The following UTS2 variants were observed in gnomAD, a reference collection of about 807,000 sequenced individuals.
UTS2 encodes urotensin-2.
Under a neutral mutation model 12.6 loss-of-function variants are expected in UTS2, and 10 were observed. The ratio of observed to expected loss-of-function variants is 0.80; its 90% CI spans 0.49 to 1.35. UTS2 has a LOEUF of 1.35. UTS2 is among the 40% of genes most tolerant of loss of function. UTS2 has a pLI of 0.00. For missense variants in UTS2, 142 were observed against 143.2 expected, an observed-to-expected ratio of 0.99 and a Z score of 0.04; for synonymous variants, 52 against 50.0, an observed-to-expected ratio of 1.04 and a Z score of -0.17.
the UTS2 span, among the ~76,000 whole-genome samples, chr1:7,899,910 C>T: frequency 2.6e-5 from 4 of 152,148 alleles, no homozygotes; most frequent in Non-Finnish European, 5.9e-5. Context: ...TGCTTCCAGG[C>T]TCACTGTGTG....
At chr1:7,863,653 C>A in the UTS2 span, among the ~76,000 whole-genome samples, 2 of 152,166 alleles carry the variant, frequency 1.3e-5, no homozygotes, top group African/African-American at 4.8e-5. Context: ...TTGGGAAATC[C>A]TTTTAGCCTG....
At chr1:7,879,544 C>T in the UTS2 span, among the ~76,000 whole-genome samples, 6 of 152,056 alleles carry the variant, frequency 3.9e-5, no homozygotes, top group Admixed American at 1.3e-4. Flanking sequence ...AGTTTAAGAC[C>T]AGCCTATCCA....
chr1:7,902,724 G>A, the UTS2 span, among the ~76,000 whole-genome samples: 1 of 152,074 alleles, frequency 6.6e-6, no homozygotes, highest in Non-Finnish European at 1.5e-5. Context: ...CCCGGCCAGC[G>A]CCTCCTATTT....
chr1:7,882,903 CA>C, the UTS2 span, among the ~76,000 whole-genome samples: 1 of 151,634 alleles, frequency 6.6e-6, no homozygotes, highest in African/African-American at 2.4e-5. Context: ...ATCAAAAAGA[CA>C]AAAAAATAAA....
At chr1:7,850,197 T>C (rs2097412573) in intron 2 of UTS2, among the ~76,000 whole-genome samples, 1 of 152,128 alleles carries the variant, frequency 6.6e-6, no homozygotes, top group South Asian at 2.1e-4. Context: ...CCTAAACTCC[T>C]GACTTCAAGT....
At chr1:7,905,613 A>G in the UTS2 span, among the ~76,000 whole-genome samples, 1 of 152,166 alleles carries the variant, frequency 6.6e-6, no homozygotes, top group Non-Finnish European at 1.5e-5. Context: ...GAAGGCCTCA[A>G]GAGAAAAAGA....
At chr1:7,909,183 G>A in the UTS2 span, among the ~76,000 whole-genome samples, 1 of 152,142 alleles carries the variant, frequency 6.6e-6, no homozygotes, top group African/African-American at 2.4e-5. Context: ...GATTATGGGA[G>A]CTACAGTTCA....
At chr1:7,873,195 C>G in the UTS2 span, among the ~76,000 whole-genome samples, 1 of 152,212 alleles carries the variant, frequency 6.6e-6, no homozygotes, top group Non-Finnish European at 1.5e-5. Context: ...CATGGTCACT[C>G]AAGAGCTCTG....
At chr1:7,870,785 T>C in the UTS2 span, among the ~76,000 whole-genome samples, 9 of 152,270 alleles carry the variant, frequency 5.9e-5, no homozygotes, top group African/African-American at 2.2e-4. Flanking sequence ...ATTTAATTTT[T>C]ATTACTTTTC....
At chr1:7,865,970 C>A in the UTS2 span, among the ~76,000 whole-genome samples, 2 of 152,150 alleles carry the variant, frequency 1.3e-5, no homozygotes, top group Non-Finnish European at 2.9e-5. Flanking sequence ...CAATTCCATT[C>A]TAAGGTAGGA....
chr1:7,906,776 A>C, the UTS2 span, among the ~76,000 whole-genome samples: 6 of 152,340 alleles, frequency 3.9e-5, no homozygotes, highest in East Asian at 1.2e-3. Flanking sequence ...CACGGGCAGT[A>C]GGAGGAAGGT....
chr1:7,881,158 G>A, the UTS2 span, among the ~76,000 whole-genome samples: 100,778 of 152,072 alleles, frequency 0.66, 34,305 homozygotes, highest in African/African-American at 0.79. Flanking sequence ...TAAAGGCCAC[G>A]TATAACAAGC....
the UTS2 span, among the ~76,000 whole-genome samples, chr1:7,910,460 A>C: frequency 6.6e-6 from 1 of 152,116 alleles, no homozygotes; most frequent in Non-Finnish European, 1.5e-5. Context: ...CTCCCCACTC[A>C]GTCCACTAGC....
upstream of UTS2, among the ~76,000 whole-genome samples, chr1:7,857,830 A>G (rs1344732860): frequency 2.0e-5 from 3 of 146,598 alleles, no homozygotes; most frequent in Non-Finnish European, 4.5e-5. Flanking sequence ...AGCCTGGGCA[A>G]CAGAGTGAGA....
At chr1:7,888,068 C>T in the UTS2 span, among the ~76,000 whole-genome samples, 1 of 152,190 alleles carries the variant, frequency 6.6e-6, no homozygotes, top group Non-Finnish European at 1.5e-5. Flanking sequence ...GCACATTCAA[C>T]AGCTTCACGT....
chr1:7,856,744 C>G (rs899341748), upstream of UTS2, among the ~76,000 whole-genome samples: 1 of 152,196 alleles, frequency 6.6e-6, no homozygotes, highest in Non-Finnish European at 1.5e-5. Context: ...AACCTAACGT[C>G]CAAGAGAAAC....
chr1:7,877,049 G>C, the UTS2 span, among the ~76,000 whole-genome samples: 1 of 144,324 alleles, frequency 6.9e-6, no homozygotes, highest in African/African-American at 2.6e-5. Context: ...AGAATTGCTT[G>C]AACCCCAGAG....
At chr1:7,912,574 C>T in the UTS2 span, among the ~76,000 whole-genome samples, 3 of 152,202 alleles carry the variant, frequency 2.0e-5, no homozygotes, top group Non-Finnish European at 2.9e-5. Context: ...CTGCCTCAAC[C>T]TCCTGAGTAG....
chr1:7,875,787 C>T, the UTS2 span, among the ~76,000 whole-genome samples: 11 of 152,106 alleles, frequency 7.2e-5, no homozygotes, highest in Admixed American at 2.6e-4. Context: ...AGACCCACTC[C>T]GCCCACCATC....
Sources: allele counts gnomAD v4.1 joint callset (sites outside exome capture counted in the v4.1 genomes callset), GRCh38; gene constraint gnomAD v4.1.1; transcripts MANE v1.5; gene names NCBI Gene and HGNC (gene_info 2026-07-23, HGNC 2026-07-21).